TNRC6C: variants seen among roughly 807,000 people sequenced by gnomAD.
TNRC6C encodes the protein trinucleotide repeat-containing gene 6C protein.
In TNRC6C, 20 loss-of-function variants were observed where a neutral mutation model predicts 153.7. The ratio of observed to expected loss-of-function variants is 0.13; its 90% CI spans 0.09 to 0.19. The LOEUF is 0.19. Among genes scored for constraint, TNRC6C ranks in the 10% least tolerant of loss-of-function variants. TNRC6C has a pLI of 1.00. For missense variants in TNRC6C, 1,987 were observed against 2,172.0 expected (o/e 0.91, Z 1.69); for synonymous variants, 811 against 841.4 (o/e 0.96, Z 0.63).
At chr17:78,077,056 C>A in intron 8 of TNRC6C, 129 bp from the exon 11 acceptor site, 1 of 1,051,936 alleles carries the variant, frequency 9.5e-7, no homozygotes, top group Non-Finnish European at 1.3e-6. Flanking sequence ...TCTCCATTCC[C>A]TTATCCACAC....
intron 1 of TNRC6C, among the ~76,000 whole-genome samples, chr17:77,998,213 A>G (rs180782007): frequency 3.3e-5 from 5 of 152,094 alleles, no homozygotes; most frequent in Admixed American, 2.6e-4. Context: ...AGTTTCTACA[A>G]TTTTGCCTTT....
intron 1 of TNRC6C, among the ~76,000 whole-genome samples, chr17:77,982,396 GTTGA>G (rs1480436790): frequency 7.2e-5 from 11 of 151,988 alleles, no homozygotes; most frequent in African/African-American, 2.4e-4. Context: ...TAGAACTTGA[GTTGA>G]TTAACTCTAG....
chr17:77,976,643 T>C (rs1255615875), intron 1 of TNRC6C, among the ~76,000 whole-genome samples: 1 of 152,066 alleles, frequency 6.6e-6, no homozygotes, highest in African/African-American at 2.4e-5. Context: ...TATATAAAAC[T>C]TGGGGCCGGA....
intron 11 of TNRC6C, among the ~76,000 whole-genome samples, chr17:78,086,091 G>A (rs1472273630): frequency 6.6e-6 from 1 of 151,952 alleles, no homozygotes; most frequent in Non-Finnish European, 1.5e-5. Flanking sequence ...CAGCACTTTG[G>A]GAGGCTGAGG....
At chr17:78,001,663 A>G (rs1379910591), upstream of TNRC6C, among the ~76,000 whole-genome samples, 2 of 152,246 alleles carry the variant, frequency 1.3e-5, no homozygotes, top group Non-Finnish European at 2.9e-5. Context: ...TCCCAGTTAT[A>G]CCAACAGTGA....
chr17:77,962,475 G>C (rs905231825), intron 1 of TNRC6C, among the ~76,000 whole-genome samples: 1 of 152,196 alleles, frequency 6.6e-6, no homozygotes, highest in Non-Finnish European at 1.5e-5. Flanking sequence ...TTTGGGGATA[G>C]AGCAAGCAAA....
At chr17:78,107,856 G>A (rs2073729442) in exon 20 of TNRC6C, 2 of 152,188 alleles carry the variant, frequency 1.3e-5, no homozygotes, top group Admixed American at 6.5e-5. Flanking sequence ...AAAATATTTG[G>A]AGAGAAGAGT....
chr17:78,012,589 C>T (rs1598685331), intron 1 of TNRC6C, among the ~76,000 whole-genome samples: 1 of 152,178 alleles, frequency 6.6e-6, no homozygotes, highest in Non-Finnish European at 1.5e-5. Flanking sequence ...CAAATGAATG[C>T]AATAAAATGT....
intron 13 of TNRC6C, among the ~76,000 whole-genome samples, chr17:78,090,590 G>A (rs1332814454): frequency 6.6e-5 from 10 of 152,308 alleles, no homozygotes; most frequent in Admixed American, 2.0e-4. Context: ...CCAAACTAGT[G>A]TCCTCATCAG....
intron 11 of TNRC6C, among the ~76,000 whole-genome samples, chr17:78,083,808 A>G (rs2073224596): frequency 6.6e-6 from 1 of 152,110 alleles, no homozygotes; most frequent in Admixed American, 6.6e-5. Flanking sequence ...GCTTCACATA[A>G]TCTTGATTTT....
intron 1 of TNRC6C, among the ~76,000 whole-genome samples, chr17:77,981,994 G>C (rs2071085083): frequency 6.6e-6 from 1 of 152,170 alleles, no homozygotes. Context: ...TGGGGCCTTT[G>C]GGAGGTATTT....
At chr17:77,976,318 G>A (rs1434646130) in intron 1 of TNRC6C, among the ~76,000 whole-genome samples, 1 of 152,170 alleles carries the variant, frequency 6.6e-6, no homozygotes, top group Non-Finnish European at 1.5e-5. Flanking sequence ...GGGTGAGGGA[G>A]GTTGTTTTGC....
chr17:77,964,012 C>T (rs1441035797), intron 1 of TNRC6C, among the ~76,000 whole-genome samples: 1 of 152,194 alleles, frequency 6.6e-6, no homozygotes, highest in Non-Finnish European at 1.5e-5. Context: ...TGCCCTAAGA[C>T]CCATATGATC....
At position 78,025,114 on chromosome 17, in the gene TNRC6C, C is replaced by T. The variant is rs144640194; in HGVS notation, c.-545-6402C>T. Reference sequence around the variant, plus strand: ...CCAATACATTATTATTAACTAAATGCCACAGTTTACATTAGGGTTCACTCT... The same window carrying T: ...CCAATACATTATTATTAACTAAATGTCACAGTTTACATTAGGGTTCACTCT... On this transcript the variant is annotated intron_variant, in intron 1 of 19. Coordinates refer to ENST00000301624, the Ensembl canonical transcript of TNRC6C. Among the ~76,000 whole-genome samples, 16 of 152,254 alleles carry T rather than the reference C, an allele frequency of 1.1e-4. 3 individuals carry two copies. Among genetic ancestry groups the T allele is most frequent in the African/African-American group, 3.9e-4 (16 of 41,548 alleles).
intron 8 of TNRC6C, among the ~76,000 whole-genome samples, chr17:78,076,535 G>A (rs558078792): frequency 6.6e-6 from 1 of 152,298 alleles, no homozygotes; most frequent in South Asian, 2.1e-4. Flanking sequence ...ACTGTTATCT[G>A]AAATTCCAAT....
chr17:77,966,204 A>G (rs1462501463), intron 1 of TNRC6C, among the ~76,000 whole-genome samples: 1 of 152,174 alleles, frequency 6.6e-6, no homozygotes. Context: ...CCTAGCTGTA[A>G]ATGGAGGTTC....
At chr17:78,070,062 A>G (rs999251168) in intron 5 of TNRC6C, among the ~76,000 whole-genome samples, 2 of 152,254 alleles carry the variant, frequency 1.3e-5, no homozygotes, top group African/African-American at 4.8e-5. Flanking sequence ...AATATAGTTT[A>G]TAAAAGCATT....
chr17:78,069,209 T>TA (rs111485330), intron 5 of TNRC6C, among the ~76,000 whole-genome samples: 15,403 of 149,938 alleles, frequency 0.1, 860 homozygotes, highest in East Asian at 0.18. Context: ...GAAACTGATT[T>TA]AAAAAAAAAA....
At chr17:77,958,370 C>T (rs894014285), upstream of TNRC6C, among the ~76,000 whole-genome samples, 5 of 152,042 alleles carry the variant, frequency 3.3e-5, no homozygotes, top group African/African-American at 4.8e-5. Flanking sequence ...GCAGTGCAAG[C>T]TCCCAGGACT....
Sources: gnomAD v4.1 joint callset for allele counts (sites outside exome capture counted in the v4.1 genomes callset) on GRCh38, gnomAD v4.1.1 for gene constraint, MANE v1.5 for transcripts, NCBI Gene and HGNC (gene_info 2026-07-23, HGNC 2026-07-21) for gene names.